The following AK9 variants were observed in gnomAD, a reference collection of about 807,000 sequenced individuals.
AK9 encodes adenylate kinase domain containing 1.
Under a neutral mutation model 239.6 loss-of-function variants are expected in AK9, and 191 were observed. That is an observed-to-expected ratio of 0.80 (90% CI 0.71 to 0.90). The LOEUF is 0.90. Ranked by LOEUF, AK9 falls within the 40% of genes least tolerant of loss-of-function variation. AK9 has a pLI of 0.00. For missense variants in AK9, 1,995 were observed against 2,214.7 expected (o/e 0.90, Z 1.99); for synonymous variants, 689 against 721.0 (o/e 0.96, Z 0.71).
rs769297153 is a variant in AK9 at position 109,546,061 on chromosome 6, A to G, written c.3031T>C (p.Leu1011=). The stretch of plus-strand genomic sequence containing the variant: ...TGAAAAATGTTTAATTTTTCTGCCA[A>G]CTGTCTTCCACACATAGTTTTGCCA... ...GSGKTMCGRQ[L]AEKLNIFHIQ... is the part of the protein sequence containing the mutation. Residue 1011 remains leucine (L), a synonymous_variant, in exon 26 of 41, where the codon TTG becomes CTG. Transcript: ENST00000424296. 1.9e-6 allele frequency: 3 copies of G among 1,607,162 alleles called. No individual in the cohort carries two copies. Among genetic ancestry groups the G allele is most frequent in the Non-Finnish European group, 2.5e-6 (3 of 1,176,582 alleles).
chr6:109,657,974 T>C (rs553196303), intron 7 of AK9, among the ~76,000 whole-genome samples: 1 of 152,294 alleles, frequency 6.6e-6, no homozygotes, highest in South Asian at 2.1e-4. Context: ...AGCCATATTC[T>C]CTATATAAGC....
rs754932295 is a variant in AK9 at position 109,563,571 on chromosome 6, A to C, written c.2751+26T>G. ...TATTTTCAATGACTTCACAAATGAG[A>C]ATGAGTAGAAATAAAAGAATCATGC... On this transcript the variant is annotated intron_variant, in intron 24 of 40. Coordinates refer to ENST00000424296, the MANE Select transcript of AK9 (RefSeq NM_001145128.3). The C allele has an allele frequency of 2.2e-4, 336 of 1,547,358 alleles. 1 individual carries two copies. The highest frequency in any genetic ancestry group is 3.3e-4 in the Middle Eastern group (2 of 6,006).
At chr6:109,569,680 T>C (rs906612489) in intron 21 of AK9, among the ~76,000 whole-genome samples, 1 of 152,060 alleles carries the variant, frequency 6.6e-6, no homozygotes, top group African/African-American at 2.4e-5. Flanking sequence ...CATGAAAAAA[T>C]GCTCATTATT....
chr6:109,636,523 T>C (rs1796726616), intron 10 of AK9, among the ~76,000 whole-genome samples: 1 of 151,438 alleles, frequency 6.6e-6, no homozygotes, highest in South Asian at 2.1e-4. Flanking sequence ...TTTTCCATCA[T>C]CCCAAACAGA....
intron 8 of AK9, among the ~76,000 whole-genome samples, chr6:109,645,483 C>T (rs998638751): frequency 2.6e-5 from 4 of 152,198 alleles, no homozygotes; most frequent in African/African-American, 7.2e-5. Context: ...GATCCAACTG[C>T]GAGGCAGCAG....
At chr6:109,672,642 T>C in intron 3 of AK9, among the ~76,000 whole-genome samples, 1 of 152,122 alleles carries the variant, frequency 6.6e-6, no homozygotes, top group Non-Finnish European at 1.5e-5. Context: ...GCCGTGATCA[T>C]GTCACTGCAC....
intron 24 of AK9, among the ~76,000 whole-genome samples, chr6:109,559,237 G>C (rs548313751): frequency 2.7e-5 from 4 of 150,728 alleles, no homozygotes; most frequent in Admixed American, 2.0e-4. Flanking sequence ...GCACGATCTC[G>C]GCTCACTGCA....
intron 29 of AK9, among the ~76,000 whole-genome samples, chr6:109,526,940 G>A (rs1351455873): frequency 6.6e-6 from 1 of 152,148 alleles, no homozygotes; most frequent in African/African-American, 2.4e-5. Context: ...AACCTCATGT[G>A]GACCCTGACT....
intron 17 of AK9, among the ~76,000 whole-genome samples, chr6:109,607,433 C>A (rs1793024337): frequency 1.3e-5 from 2 of 152,190 alleles, no homozygotes; most frequent in African/African-American, 4.8e-5. Flanking sequence ...TCATTATTCC[C>A]TAAACAATAT....
chr6:109,587,758 A>C (rs1281606416), intron 17 of AK9, among the ~76,000 whole-genome samples: 2 of 152,198 alleles, frequency 1.3e-5, no homozygotes, highest in African/African-American at 4.8e-5. Context: ...TAAGCATACT[A>C]GTGCAGGTGT....
rs1778410056 is a variant in AK9 at position 109,509,085 on chromosome 6, C to G, written c.4481+94G>C. ...AAGTAGATCACACCCTTTATAAGAG[C>G]TTTAAGCCCCATGTAAGTGTTTTAA... On this transcript the variant is annotated intron_variant, in intron 33 of 40. Transcript: ENST00000424296. The G allele has an allele frequency of 8.8e-6, 11 of 1,248,386 alleles. No homozygotes were observed. In the East Asian group the frequency reaches 2.5e-4, roughly 29 times the overall value. 77.3% of individuals were successfully genotyped at this position (1,248,386 alleles called of 1,614,324 possible).
In AK9 at chr6:109,552,786, T is replaced by C. The variant is rs1784519435; in HGVS notation, c.2752-2484A>G. ...GTCATGAAGTCTTTGCCCATGCCTA[T>C]GTCCTGAATGGTATTGCCTAGGTTT... On this transcript the variant is annotated intron_variant, in intron 24 of 40. Transcript: ENST00000424296. Among the ~76,000 whole-genome samples, 4 of 152,234 alleles carry C rather than the reference T, an allele frequency of 2.6e-5. No homozygotes were observed. The South Asian group carries it at 8.3e-4, about 31-fold the overall frequency.
At chr6:109,606,331 T>C (rs1031258934) in intron 17 of AK9, among the ~76,000 whole-genome samples, 2 of 151,432 alleles carry the variant, frequency 1.3e-5, no homozygotes, top group Admixed American at 6.6e-5. Context: ...GCAGAGGAAA[T>C]AGGACATGAC....
chr6:109,648,654 C>T (rs1798449195), intron 8 of AK9, among the ~76,000 whole-genome samples: 1 of 152,130 alleles, frequency 6.6e-6, no homozygotes. Flanking sequence ...CCAAATTCTA[C>T]CAAAGGTACA....
intron 3 of AK9, among the ~76,000 whole-genome samples, 166 bp from the exon 4 acceptor site, chr6:109,672,333 C>G (rs1167410058): frequency 6.6e-6 from 1 of 152,148 alleles, no homozygotes; most frequent in East Asian, 1.9e-4. Flanking sequence ...CTAACCAAAG[C>G]AGAAGCAGCA....
chr6:109,600,771 A>G (rs866857842), intron 17 of AK9, among the ~76,000 whole-genome samples: 1 of 152,166 alleles, frequency 6.6e-6, no homozygotes, highest in Non-Finnish European at 1.5e-5. Context: ...TTATTGGTCT[A>G]TTCAGAGATT....
At chr6:109,574,162 C>G (rs779390275) in intron 20 of AK9, among the ~76,000 whole-genome samples, 3 of 152,034 alleles carry the variant, frequency 2.0e-5, no homozygotes, top group Non-Finnish European at 2.9e-5. Context: ...TTACAGCTAA[C>G]TAAAAATAAT....
At position 109,502,957 on chromosome 6, in the gene AK9, ATGTGTGTGTGTG is replaced by A. The variant is rs58542655; in HGVS notation, c.4849+3358_4849+3369del. Among the ~76,000 whole-genome samples, 450 of 145,496 alleles carry A rather than the reference ATGTGTGTGTGTG, an allele frequency of 3.1e-3. 4 individuals carry two copies. Among genetic ancestry groups the A allele is most frequent in the African/African-American group, 0.01 (404 of 39,638 alleles). On this transcript the variant is annotated intron_variant, in intron 35 of 40. Coordinates refer to ENST00000424296, the MANE Select transcript of AK9 (RefSeq NM_001145128.3). Reference sequence around the variant, plus strand: ...CAGATTTCTGACCCACAGGAACGGTATGTGTGTGTGTGTGTGTGTGTGTGTGTGTGTGTATTA... The same window carrying A: ...CAGATTTCTGACCCACAGGAACGGTATGTGTGTGTGTGTGTGTGTGTATTA...
intron 8 of AK9, among the ~76,000 whole-genome samples, chr6:109,654,210 T>C (rs983566800): frequency 2.6e-5 from 4 of 152,204 alleles, no homozygotes; most frequent in African/African-American, 9.6e-5. Context: ...TTTCACAATA[T>C]TGTATGAGGT....
Sources: allele counts gnomAD v4.1 joint callset (sites outside exome capture counted in the v4.1 genomes callset), GRCh38; gene constraint gnomAD v4.1.1; transcripts MANE v1.5; gene names NCBI Gene and HGNC (gene_info 2026-07-23, HGNC 2026-07-21).